Variants in SLC41A3 observed in about 807,000 individuals in gnomAD.
The protein encoded by SLC41A3 is SLC41A1-like 2.
In SLC41A3, 44 loss-of-function variants were observed where a neutral mutation model predicts 45.4. The ratio of observed to expected loss-of-function variants is 0.97; its 90% CI spans 0.76 to 1.25. The LOEUF (loss-of-function observed/expected upper bound fraction) is 1.25. Among genes scored for constraint, SLC41A3 ranks in the 50% most tolerant of loss-of-function variants. The probability of loss-of-function intolerance (pLI) is 0.00; values close to 1 mark genes in which losing one functional copy is unlikely to be tolerated. For synonymous variants in SLC41A3, 256 were observed against 252.4 expected (o/e 1.01, Z -0.13); for missense variants, 550 against 600.6 (o/e 0.92, Z 0.88).
rs907210689 is a variant in SLC41A3, at chr3:126,026,096, A to T, written c.598+239T>A. 6.6e-6 allele frequency among the ~76,000 whole-genome samples: 1 copy of T among 152,216 alleles called. No individual in the cohort carries two copies. Among genetic ancestry groups the T allele is most frequent in the Non-Finnish European group, 1.5e-5 (1 of 68,026 alleles). Reference sequence around the variant, plus strand: ...GAGCAGGGACAGGTCTTTACACAGCAGAGAGCAGAGGCGAGTGGTGGCAGG... The same window carrying T: ...GAGCAGGGACAGGTCTTTACACAGCTGAGAGCAGAGGCGAGTGGTGGCAGG... On this transcript the variant is annotated intron_variant, in intron 5 of 10. Coordinates refer to ENST00000360370, the MANE Select transcript of SLC41A3 (RefSeq NM_017836.4). The surrounding 1 kb of genome is among the most constrained non-coding windows in gnomAD (Gnocchi z 4.2).
chr3:126,057,681 C>T (rs566380114), intron 2 of SLC41A3, among the ~76,000 whole-genome samples: 3 of 152,222 alleles, frequency 2.0e-5, no homozygotes, highest in Admixed American at 6.5e-5. Context: ...TGGATCCTAC[C>T]GGCCTCCCCA....
Position 126,067,970 on chromosome 3 carries a change from C to T in SLC41A3, c.250G>A (p.Gly84Ser), listed in dbSNP as rs755467442. Reference protein sequence around the residue: ...MFAGLGLSWAGMLLDYFQHWP... With the variant: ...MFAGLGLSWASMLLDYFQHWP... Reference sequence around the variant, plus strand: ...ACCTGGAAATAGTCCAGAAGCATGCCGGCCCAGGACAGTCCCAGGCCTGCA... The same window carrying T: ...ACCTGGAAATAGTCCAGAAGCATGCTGGCCCAGGACAGTCCCAGGCCTGCA... The change falls in exon 2 of 11, where the codon GGC (glycine) becomes AGC (serine). Residue 84 changes from glycine to serine, a missense_variant. Gly to Ser is a moderately conservative substitution (Grantham distance 56). Transcript: ENST00000360370. 28 of 1,606,000 alleles carry T rather than the reference C, an allele frequency of 1.7e-5. No homozygotes were observed. The highest frequency in any genetic ancestry group is 1.7e-4 in the Middle Eastern group (1 of 5,998).
chr3:126,097,315 G>T (rs1238271423), intron 1 of SLC41A3, among the ~76,000 whole-genome samples: 1 of 152,112 alleles, frequency 6.6e-6, no homozygotes, highest in Non-Finnish European at 1.5e-5. Flanking sequence ...GCATGCCCAG[G>T]AAGTTGCTTC....
chr3:126,079,240 C>CACACACACACACACACACA (rs35781435), intron 1 of SLC41A3, among the ~76,000 whole-genome samples: 3 of 100,774 alleles, frequency 3.0e-5, no homozygotes, highest in Non-Finnish European at 6.8e-5. Context: ...ACACACACAC[C>CACACACACACACACACACA]CACACACGAT....
Position 126,026,311 on chromosome 3 carries a change from G to A in SLC41A3, c.598+24C>T. ...TCAGAGGAGCAGGGAGCGGGTGGGG[G>A]CTCACAGCTGGGGCATGGCTCACCC... On this transcript the variant is annotated intron_variant, in intron 5 of 10. Coordinates refer to ENST00000360370, the MANE Select transcript of SLC41A3 (RefSeq NM_017836.4). This position sits in a 1 kb window ranked among gnomAD's most constrained non-coding sequence, Gnocchi z 4.2. 2 of 1,553,690 alleles carry A rather than the reference G, an allele frequency of 1.3e-6. No homozygotes were observed. The highest frequency in any genetic ancestry group is 1.7e-6 in the Non-Finnish European group (2 of 1,147,870).
intron 8 of SLC41A3, among the ~76,000 whole-genome samples, chr3:126,012,977 G>A (rs1939875727): frequency 6.6e-6 from 1 of 152,136 alleles, no homozygotes; most frequent in South Asian, 2.1e-4. Context: ...TTGACTGCTG[G>A]CATCTCTTAA....
upstream of SLC41A3, among the ~76,000 whole-genome samples, chr3:126,086,408 G>GGTTTTTT (rs776330275): frequency 4.3e-3 from 90 of 21,172 alleles, 3 homozygotes; most frequent in Non-Finnish European, 8.0e-3. Context: ...TTGTTTTCTT[G>GGTTTTTT]TTTTTTTTTT....
Position 126,015,553 on chromosome 3 carries a change from C to T in SLC41A3, c.911G>A (p.Ser304Asn), listed in dbSNP as rs1410551171. The T allele has an allele frequency of 6.2e-7, 1 of 1,614,082 alleles. No homozygotes were observed. Among genetic ancestry groups the T allele is most frequent in the Non-Finnish European group, 8.5e-7 (1 of 1,180,024 alleles). The change falls in exon 8 of 11, where the codon AGC becomes AAC. Residue 304 changes from serine to asparagine, a missense_variant. Ser to Asn is a conservative substitution (Grantham distance 46). Coordinates refer to ENST00000360370, the MANE Select transcript of SLC41A3 (RefSeq NM_017836.4). ...VISSFGGLIL[S>N]KTVSKQQYKG... is the part of the protein sequence containing the mutation. ...GTACTGCTGTTTAGAAACGGTTTTG[C>T]TCAAGATGAGTCCTCCGAAACTGGG...
At chr3:126,088,727 TA>T (rs1945438769), upstream of SLC41A3, among the ~76,000 whole-genome samples, 1 of 152,162 alleles carries the variant, frequency 6.6e-6, no homozygotes, top group Admixed American at 6.5e-5. Flanking sequence ...GAGGGTATAA[TA>T]TAAAGAAATT....
intron 1 of SLC41A3, among the ~76,000 whole-genome samples, chr3:126,092,245 T>C (rs916588129): frequency 6.6e-6 from 1 of 152,214 alleles, no homozygotes; most frequent in Non-Finnish European, 1.5e-5. Flanking sequence ...AAGGAACACC[T>C]GGCCCACCCA....
chr3:126,048,653 T>C (rs1353035234), intron 3 of SLC41A3, among the ~76,000 whole-genome samples: 1 of 152,234 alleles, frequency 6.6e-6, no homozygotes, highest in East Asian at 1.9e-4. Flanking sequence ...TTCTTCTGTT[T>C]CAAGTTGCAC....
intron 4 of SLC41A3, 140 bp downstream of exon 4, chr3:126,033,467 G>A: frequency 3.5e-6 from 3 of 860,246 alleles, no homozygotes; most frequent in East Asian, 5.4e-5. Context: ...TCTATTGGAT[G>A]TGGGAGGGAC....
intron 3 of SLC41A3, among the ~76,000 whole-genome samples, chr3:126,049,533 C>CT (rs1943188733): frequency 2.0e-5 from 3 of 152,156 alleles, no homozygotes; most frequent in Non-Finnish European, 1.5e-5. Context: ...TGAAATGCCT[C>CT]CATGGCAGAG....
rs778902756 is a variant in SLC41A3 at position 126,006,996 on chromosome 3, A to G, written c.*20T>C. The stretch of plus-strand genomic sequence containing the variant: ...TGTGAGAGGAAATTCTAATGAGCAA[A>G]TGGGACCAGCGGGGCCCAGTTAGGG... On this transcript the variant is annotated 3_prime_UTR_variant, in exon 11 of 11. Coordinates refer to ENST00000360370, the MANE Select transcript of SLC41A3 (RefSeq NM_017836.4). 6.2e-7 allele frequency: 1 copy of G among 1,614,046 alleles called. No homozygotes were observed. The highest frequency in any genetic ancestry group is 8.5e-7 in the Non-Finnish European group (1 of 1,179,916).
chr3:126,097,192 C>A (rs923352454), intron 1 of SLC41A3, among the ~76,000 whole-genome samples: 3 of 152,152 alleles, frequency 2.0e-5, no homozygotes, highest in African/African-American at 7.2e-5. Context: ...TAGAATTGAG[C>A]ATGTGTGGTG....
At chr3:126,084,168 G>A (rs1467260254), upstream of SLC41A3, 1 of 152,112 alleles carries the variant, frequency 6.6e-6, no homozygotes, top group Non-Finnish European at 1.5e-5. Context: ...CAGGCAGGAA[G>A]CGGGAAGGCC....
At chr3:126,065,538 A>G (rs1428498650) in intron 2 of SLC41A3, among the ~76,000 whole-genome samples, 2 of 152,242 alleles carry the variant, frequency 1.3e-5, no homozygotes, top group African/African-American at 4.8e-5. Context: ...ATGAAAAGAA[A>G]GCAGACTTGT....
intron 3 of SLC41A3, among the ~76,000 whole-genome samples, chr3:126,043,375 G>T (rs915680946): frequency 6.6e-6 from 1 of 152,072 alleles, no homozygotes; most frequent in African/African-American, 2.4e-5. Flanking sequence ...TACTAGATCT[G>T]CCCTACAAGA....
rs746051132 is a variant in SLC41A3 at position 126,068,121 on chromosome 3, T to A, written c.99A>T (p.Val33=). The change falls in exon 2 of 11, where the codon GTA becomes GTT. Residue 33 remains valine, a synonymous_variant. Coordinates refer to ENST00000360370, the MANE Select transcript of SLC41A3 (RefSeq NM_017836.4). ...CCCTGAGAGCTCCATCTTCTGAGGCTACAGGGAGTCCTCCTGTGCTGAGGG... is the reference window on the plus strand; with the variant it reads ...CCCTGAGAGCTCCATCTTCTGAGGCAACAGGGAGTCCTCCTGTGCTGAGGG... The part of the protein sequence containing the change: ...PHPLSTGGLP[V]ASEDGALRAP... 6.2e-7 allele frequency: 1 copy of A among 1,613,250 alleles called. No individual in the cohort carries two copies. The highest frequency in any genetic ancestry group is 8.5e-7 in the Non-Finnish European group (1 of 1,179,722).
Sources: gnomAD v4.1 joint callset for allele counts (sites outside exome capture counted in the v4.1 genomes callset) on GRCh38, gnomAD v4.1.1 for gene constraint, Gnocchi (gnomAD v3.1) non-coding constraint, MANE v1.5 for transcripts, NCBI Gene and HGNC (gene_info 2026-07-23, HGNC 2026-07-21) for gene names.